TAX1BP1: variants seen among roughly 807,000 people sequenced by gnomAD.
The protein encoded by TAX1BP1 is Tax1 binding protein 1, also known as tax1-binding protein 1.
Under a neutral mutation model 97.7 loss-of-function variants are expected in TAX1BP1, and 62 were observed. That is an observed-to-expected ratio of 0.63 (90% CI 0.52 to 0.78). TAX1BP1 has a LOEUF of 0.78. TAX1BP1 is among the 30% of genes least tolerant of loss of function. The probability of loss-of-function intolerance (pLI) is 0.00; values close to 1 mark genes in which losing one functional copy is unlikely to be tolerated. For synonymous variants in TAX1BP1, 340 were observed against 304.2 expected (o/e 1.12, Z -1.23); for missense variants, 867 against 916.1 (o/e 0.95, Z 0.69).
At chr7:27,774,770 C>A (rs993860588) in intron 5 of TAX1BP1, among the ~76,000 whole-genome samples, 8 of 151,958 alleles carry the variant, frequency 5.3e-5, no homozygotes, top group Admixed American at 1.3e-4. Context: ...TTTAAAAAAG[C>A]ACTATTTTGT....
In TAX1BP1 at chr7:27,796,107, T is replaced by A. The variant is rs746188428; in HGVS notation, c.1535-9T>A. 5 of 1,603,810 alleles carry A rather than the reference T, an allele frequency of 3.1e-6. No homozygotes were observed. In the African/African-American group the frequency reaches 5.4e-5, roughly 17 times the overall value. On this transcript the variant is annotated splice_polypyrimidine_tract_variant and intron_variant, in intron 11 of 16. Coordinates refer to ENST00000396319, the MANE Select transcript of TAX1BP1 (RefSeq NM_006024.7). ...CTTTTTAACAGTCTTATATTCTGCCTTTCTACAGCAGAGGCAGATTTTGAC... is the reference window on the plus strand; with the variant it reads ...CTTTTTAACAGTCTTATATTCTGCCATTCTACAGCAGAGGCAGATTTTGAC...
At chr7:27,814,106 T>C (rs978937700) in intron 13 of TAX1BP1, among the ~76,000 whole-genome samples, 4 of 151,550 alleles carry the variant, frequency 2.6e-5, no homozygotes, top group Non-Finnish European at 4.4e-5. Flanking sequence ...TTTTTTTTTT[T>C]TTTCTTTTTT....
intron 10 of TAX1BP1, 42 bp downstream of exon 10, chr7:27,793,254 G>A (rs1279513271): frequency 6.7e-7 from 1 of 1,485,744 alleles, no homozygotes; most frequent in Non-Finnish European, 9.0e-7. Flanking sequence ...TGTGTTGTTA[G>A]TATTTTTGTT....
At chr7:27,825,738 A>C (rs192719445) in intron 15 of TAX1BP1, among the ~76,000 whole-genome samples, 2 of 152,268 alleles carry the variant, frequency 1.3e-5, no homozygotes, top group African/African-American at 4.8e-5. Context: ...TACAAACTCT[A>C]CTGTTAGCTG....
At chr7:27,742,365 G>A (rs76350000) in intron 1 of TAX1BP1, among the ~76,000 whole-genome samples, 1 of 152,172 alleles carries the variant, frequency 6.6e-6, no homozygotes, top group African/African-American at 2.4e-5. Flanking sequence ...ATTAGGGAGT[G>A]GTGATGACTC....
chr7:27,767,489 C>T (rs1166067888), intron 4 of TAX1BP1, among the ~76,000 whole-genome samples: 1 of 152,070 alleles, frequency 6.6e-6, no homozygotes, highest in African/African-American at 2.4e-5. Flanking sequence ...TTCCCCTTTA[C>T]AGAAATTCCT....
intron 5 of TAX1BP1, among the ~76,000 whole-genome samples, chr7:27,781,963 G>A (rs912216492): frequency 3.3e-5 from 5 of 151,806 alleles, no homozygotes; most frequent in African/African-American, 4.8e-5. Flanking sequence ...TGATCTGCCC[G>A]CCTCGGCCTC....
chr7:27,753,996 A>T (rs540367156), intron 2 of TAX1BP1, among the ~76,000 whole-genome samples: 3 of 152,164 alleles, frequency 2.0e-5, no homozygotes, highest in African/African-American at 7.2e-5. Context: ...TCTAATTGGA[A>T]TTCTCACATC....
chr7:27,761,808 G>A (rs1355946021), intron 3 of TAX1BP1, among the ~76,000 whole-genome samples: 4 of 152,286 alleles, frequency 2.6e-5, no homozygotes, highest in African/African-American at 9.6e-5. Flanking sequence ...GTTTTTGTGT[G>A]GATGTAAGTT....
At chr7:27,776,832 A>G (rs1390545164) in intron 5 of TAX1BP1, among the ~76,000 whole-genome samples, 1 of 142,162 alleles carries the variant, frequency 7.0e-6, no homozygotes, top group African/African-American at 2.6e-5. Context: ...CTTTTTTTTT[A>G]AGTCCCTTTT....
At chr7:27,777,989 C>A (rs112539090) in intron 5 of TAX1BP1, among the ~76,000 whole-genome samples, 1 of 152,104 alleles carries the variant, frequency 6.6e-6, no homozygotes, top group Non-Finnish European at 1.5e-5. Flanking sequence ...GTTTTAGAGT[C>A]GCTATCAGGA....
At chr7:27,759,206 A>G (rs1352197587) in intron 3 of TAX1BP1, among the ~76,000 whole-genome samples, 5 of 152,176 alleles carry the variant, frequency 3.3e-5, no homozygotes, top group African/African-American at 9.6e-5. Context: ...AAGAAAACCA[A>G]TTATATTGAA....
intron 5 of TAX1BP1, among the ~76,000 whole-genome samples, chr7:27,775,299 G>A (rs1442431057): frequency 6.6e-6 from 1 of 152,066 alleles, no homozygotes; most frequent in African/African-American, 2.4e-5. Context: ...TCATTGAAAT[G>A]GTTTTCTCAT....
chr7:27,772,476 A>G (rs954724761), intron 5 of TAX1BP1: 40 of 152,014 alleles, frequency 2.6e-4, no homozygotes, highest in African/African-American at 9.2e-4. Context: ...TTTCTTCATA[A>G]TAGGAGAAAT....
chr7:27,796,264 A>G, intron 12 of TAX1BP1, 45 bp downstream of exon 12: 1 of 1,400,502 alleles, frequency 7.1e-7, no homozygotes, highest in South Asian at 1.3e-5. Context: ...TAAAATGTTA[A>G]TGACTTAGCT....
chr7:27,811,170 A>G (rs6979048), intron 13 of TAX1BP1, among the ~76,000 whole-genome samples: 266 of 152,218 alleles, frequency 1.7e-3, no homozygotes, highest in African/African-American at 6.1e-3. Context: ...TTGAAAGAGT[A>G]TTTTCCTTTT....
chr7:27,770,912 CAA>C (rs1788819953), intron 5 of TAX1BP1, among the ~76,000 whole-genome samples: 1 of 151,878 alleles, frequency 6.6e-6, no homozygotes, highest in Non-Finnish European at 1.5e-5. Flanking sequence ...TAAAAATATG[CAA>C]GTATTTCCCA....
chr7:27,751,753 AAGT>A (rs1788026439), intron 2 of TAX1BP1, among the ~76,000 whole-genome samples: 1 of 152,116 alleles, frequency 6.6e-6, no homozygotes, highest in Non-Finnish European at 1.5e-5. Context: ...GAAGATGGGA[AAGT>A]AGTATGCTTG....
Position 27,828,932 on chromosome 7 carries a change from C to A in TAX1BP1, c.*103C>A. ...AGACCATAGAGCGGATGCTTTCATG[C>A]ACCCTTTACTGCACTTTCTGACCAG... On this transcript the variant is annotated 3_prime_UTR_variant, in exon 17 of 17. Coordinates refer to ENST00000396319, the MANE Select transcript of TAX1BP1 (RefSeq NM_006024.7). 1.1e-6 allele frequency: 1 copy of A among 891,520 alleles called. No homozygotes were observed. The highest frequency in any genetic ancestry group is 1.7e-6 in the Non-Finnish European group (1 of 600,284). 55.2% of individuals were successfully genotyped at this position (891,520 alleles called of 1,614,324 possible). A position where few individuals can be genotyped will look rare whatever the true frequency, so the allele number is the denominator to read the frequency against.
Sources: gnomAD v4.1 joint callset for allele counts (sites outside exome capture counted in the v4.1 genomes callset) on GRCh38, gnomAD v4.1.1 for gene constraint, MANE v1.5 for transcripts, NCBI Gene and HGNC (gene_info 2026-07-23, HGNC 2026-07-21) for gene names.